Variants in HIKESHI observed in about 807,000 individuals in gnomAD.
HIKESHI encodes the protein heat shock protein nuclear import factor hikeshi.
HIKESHI carries 13 observed loss-of-function variants against 25.7 expected under a neutral mutation model. The ratio of observed to expected loss-of-function variants is 0.51; its 90% CI spans 0.33 to 0.80. HIKESHI has a LOEUF of 0.80. Among genes scored for constraint, HIKESHI ranks in the 30% least tolerant of loss-of-function variants. The pLI is 0.02. For missense variants in HIKESHI, 174 were observed against 229.5 expected (o/e 0.76, Z 1.56); for synonymous variants, 76 against 78.7 (o/e 0.97, Z 0.18).
intron 2 of HIKESHI, among the ~76,000 whole-genome samples, chr11:86,321,221 C>T (rs1213143749): frequency 6.6e-6 from 1 of 152,210 alleles, no homozygotes; most frequent in Non-Finnish European, 1.5e-5. Flanking sequence ...GTGTTAGCCA[C>T]TGTGCCTGGC....
At chr11:86,316,465 C>A (rs1946981004) in intron 2 of HIKESHI, among the ~76,000 whole-genome samples, 1 of 151,884 alleles carries the variant, frequency 6.6e-6, no homozygotes, top group African/African-American at 2.4e-5. Flanking sequence ...TGAGCCGAGA[C>A]CCCACCACGG....
At chr11:86,323,507 T>C (rs538839276) in intron 2 of HIKESHI, among the ~76,000 whole-genome samples, 109 of 152,298 alleles carry the variant, frequency 7.2e-4, no homozygotes, top group African/African-American at 2.6e-3. Context: ...CCAGGACACA[T>C]TGGTTGTTTT....
chr11:86,306,045 C>G (rs903222083), intron 1 of HIKESHI, among the ~76,000 whole-genome samples, 200 bp from the exon 2 acceptor site: 2 of 151,868 alleles, frequency 1.3e-5, no homozygotes, highest in Non-Finnish European at 2.9e-5. Context: ...GTGATCTGCC[C>G]GAGTTATATT....
chr11:86,344,794 C>A (rs1372338105), intron 4 of HIKESHI, 73 bp downstream of exon 4: 1 of 1,014,248 alleles, frequency 9.9e-7, no homozygotes, highest in South Asian at 1.4e-5. Flanking sequence ...TGAATATATT[C>A]CTTTTTTGAC....
intron 2 of HIKESHI, chr11:86,326,378 T>A (rs1348988235): frequency 9.9e-6 from 4 of 402,816 alleles, no homozygotes; most frequent in Non-Finnish European, 2.0e-5. Flanking sequence ...TATAAGGTCT[T>A]TTGTTATATT....
At chr11:86,310,448 A>C (rs1946804273) in intron 2 of HIKESHI, among the ~76,000 whole-genome samples, 3 of 152,228 alleles carry the variant, frequency 2.0e-5, no homozygotes, top group Non-Finnish European at 4.4e-5. Context: ...GTTGCTTATC[A>C]GCTTAAGGAG....
intron 2 of HIKESHI, among the ~76,000 whole-genome samples, chr11:86,329,531 A>T (rs910756869): frequency 6.6e-6 from 1 of 151,746 alleles, no homozygotes; most frequent in African/African-American, 2.4e-5. Flanking sequence ...TCTATGAAAA[A>T]AACTTTTTAC....
intron 2 of HIKESHI, among the ~76,000 whole-genome samples, chr11:86,312,798 AT>A (rs1385570406): frequency 6.6e-6 from 1 of 152,102 alleles, no homozygotes; most frequent in Non-Finnish European, 1.5e-5. Context: ...AAAGGATTTT[AT>A]TTCTCCTTCA....
chr11:86,330,462 A>G (rs1200536105), intron 2 of HIKESHI, among the ~76,000 whole-genome samples: 1 of 152,238 alleles, frequency 6.6e-6, no homozygotes, highest in Non-Finnish European at 1.5e-5. Context: ...CAGGAAGCCA[A>G]AAGCTCTATT....
intron 3 of HIKESHI, among the ~76,000 whole-genome samples, chr11:86,341,488 C>CTTTTTTTTTTTTTTTT (rs112151717): frequency 1.4e-5 from 2 of 142,810 alleles, no homozygotes. Flanking sequence ...TGGAATTCTC[C>CTTTTTTTTTTTTTTTT]TTTTTTTTTT....
chr11:86,307,088 TGTGTA>T (rs1450574760), intron 2 of HIKESHI, among the ~76,000 whole-genome samples: 1 of 128,282 alleles, frequency 7.8e-6, no homozygotes, highest in Admixed American at 8.7e-5. Flanking sequence ...GTATCAAATA[TGTGTA>T]ATATACATCA....
chr11:86,332,176 G>C (rs1231699451), intron 2 of HIKESHI, among the ~76,000 whole-genome samples: 1 of 151,930 alleles, frequency 6.6e-6, no homozygotes, highest in African/African-American at 2.4e-5. Flanking sequence ...GTGTTAGCCA[G>C]GATGGTCTCG....
In HIKESHI at chr11:86,344,732, T is replaced by C. The variant is rs1350514880; in HGVS notation, c.539+11T>C. ...TGTGGTTCTGAAATGGTATGAGGCA[T>C]TTTCTGTCTCCAATATTAAGGCTTT... is the stretch of plus-strand genomic sequence containing the variant. On this transcript the variant is annotated intron_variant, in intron 4 of 4. Transcript: ENST00000278483. 6.6e-7 allele frequency: 1 copy of C among 1,525,056 alleles called. No individual in the cohort carries two copies. Among genetic ancestry groups the C allele is most frequent in the Non-Finnish European group, 9.1e-7 (1 of 1,099,894 alleles). The allele number at this position is 1,525,056 out of a possible 1,614,324, so 94.5% of individuals were successfully genotyped here.
In HIKESHI at chr11:86,312,854, A is replaced by G. The variant is rs546256142; in HGVS notation, c.268+6372A>G. Reference sequence around the variant, plus strand: ...CTGGATATGAAATTCTGGGTTGAAAATTCTTTTCTTTAAGAATGTTGAATA... The same window carrying G: ...CTGGATATGAAATTCTGGGTTGAAAGTTCTTTTCTTTAAGAATGTTGAATA... On this transcript the variant is annotated intron_variant, in intron 2 of 4. Coordinates refer to ENST00000278483, the MANE Select transcript of HIKESHI (RefSeq NM_016401.4). Among the ~76,000 whole-genome samples the G allele has an allele frequency of 6.4e-4, 98 of 152,278 alleles. 1 individual carries two copies. Among genetic ancestry groups the G allele is most frequent in the African/African-American group, 2.3e-3 (95 of 41,562 alleles).
chr11:86,339,018 A>G (rs1947645877), intron 3 of HIKESHI, among the ~76,000 whole-genome samples: 1 of 152,190 alleles, frequency 6.6e-6, no homozygotes. Context: ...TTATTATGTA[A>G]CTACTCTGTA....
intron 2 of HIKESHI, among the ~76,000 whole-genome samples, chr11:86,316,990 C>T (rs1418216443): frequency 6.6e-6 from 1 of 151,608 alleles, no homozygotes; most frequent in African/African-American, 2.4e-5. Context: ...GGCAGGGTTC[C>T]ACCTTGTTAG....
intron 2 of HIKESHI, among the ~76,000 whole-genome samples, chr11:86,337,091 ATTAT>A (rs1162283560): frequency 6.6e-6 from 1 of 152,172 alleles, no homozygotes; most frequent in Non-Finnish European, 1.5e-5. Context: ...TTCTCTATTA[ATTAT>A]TTATTTTTCC....
intron 3 of HIKESHI, among the ~76,000 whole-genome samples, chr11:86,338,854 A>T (rs1947642252): frequency 6.6e-6 from 1 of 152,250 alleles, no homozygotes; most frequent in African/African-American, 2.4e-5. Flanking sequence ...TACACATTAA[A>T]ATGTTATCCC....
chr11:86,316,929 G>C (rs1947001558), intron 2 of HIKESHI, among the ~76,000 whole-genome samples: 1 of 151,576 alleles, frequency 6.6e-6, no homozygotes, highest in Non-Finnish European at 1.5e-5. Context: ...GAGTACCTGG[G>C]ACTACAGGTG....
Sources: gnomAD v4.1 joint callset for allele counts (sites outside exome capture counted in the v4.1 genomes callset) on GRCh38, gnomAD v4.1.1 for gene constraint, MANE v1.5 for transcripts, NCBI Gene and HGNC (gene_info 2026-07-23, HGNC 2026-07-21) for gene names.